Variants in NFATC3 observed in about 807,000 individuals in gnomAD.
NFATC3 encodes the protein nuclear factor of activated T-cells, cytoplasmic 3.
In NFATC3, 46 loss-of-function variants were observed where a neutral mutation model predicts 98.6. The observed-to-expected ratio is 0.47, with a 90% confidence interval of 0.37 to 0.60. The LOEUF (loss-of-function observed/expected upper bound fraction) is 0.60. Among genes scored for constraint, NFATC3 ranks in the 20% least tolerant of loss-of-function variants. NFATC3 has a pLI of 0.00. For synonymous variants in NFATC3, 512 were observed against 472.2 expected (o/e 1.08, Z -1.09); for missense variants, 1,256 against 1,295.5 (o/e 0.97, Z 0.47).
intron 3 of NFATC3, among the ~76,000 whole-genome samples, chr16:68,151,754 G>A (rs2038333624): frequency 1.3e-5 from 2 of 152,144 alleles, no homozygotes; most frequent in Non-Finnish European, 2.9e-5. Context: ...CCTGCAGAGG[G>A]TGATACTGTC....
At chr16:68,196,506 GAAA>G (rs757039263) in intron 9 of NFATC3, among the ~76,000 whole-genome samples, 2 of 151,888 alleles carry the variant, frequency 1.3e-5, no homozygotes, top group Non-Finnish European at 2.9e-5. Context: ...TAGATGCCTA[GAAA>G]AAAAAGTTCT....
chr16:68,224,332 A>G (rs917785017), intron 9 of NFATC3, among the ~76,000 whole-genome samples: 1 of 142,226 alleles, frequency 7.0e-6, no homozygotes, highest in Non-Finnish European at 1.5e-5. Context: ...GCTGGAGTGC[A>G]GTGGCACGAT....
intron 3 of NFATC3, among the ~76,000 whole-genome samples, chr16:68,149,940 A>G (rs2038228270): frequency 6.6e-6 from 1 of 152,114 alleles, no homozygotes; most frequent in Non-Finnish European, 1.5e-5. Context: ...TATTTATTTG[A>G]TATTTAATAA....
chr16:68,162,401 A>C (rs1404675599), intron 4 of NFATC3, among the ~76,000 whole-genome samples: 1 of 152,150 alleles, frequency 6.6e-6, no homozygotes, highest in Non-Finnish European at 1.5e-5. Flanking sequence ...GTTCCAGATA[A>C]TGGTAGGTTT....
At chr16:68,179,213 G>A (rs1391615448) in intron 6 of NFATC3, among the ~76,000 whole-genome samples, 1 of 152,150 alleles carries the variant, frequency 6.6e-6, no homozygotes, top group Admixed American at 6.6e-5. Flanking sequence ...CCCAAGATTA[G>A]GTTGAAGACC....
chr16:68,115,964 C>T (rs535194353), intron 1 of NFATC3, among the ~76,000 whole-genome samples: 3 of 152,142 alleles, frequency 2.0e-5, no homozygotes, highest in South Asian at 2.1e-4. Context: ...ACAGTATATA[C>T]GTATGCATTG....
intron 3 of NFATC3, among the ~76,000 whole-genome samples, chr16:68,151,736 C>T (rs914094906): frequency 1.3e-5 from 2 of 152,140 alleles, no homozygotes; most frequent in East Asian, 3.8e-4. Context: ...GCTCCACCAC[C>T]ACCCTCCCCT....
intron 6 of NFATC3, among the ~76,000 whole-genome samples, chr16:68,180,503 AT>A (rs921250510): frequency 2.0e-5 from 3 of 151,764 alleles, no homozygotes; most frequent in South Asian, 2.1e-4. Flanking sequence ...TTTTATTTTT[AT>A]TTTTTTTAAA....
chr16:68,184,577 GTGGA>G (rs1436903307), intron 8 of NFATC3, among the ~76,000 whole-genome samples: 1 of 152,080 alleles, frequency 6.6e-6, no homozygotes, highest in East Asian at 1.9e-4. Flanking sequence ...GTTGAGGTGG[GTGGA>G]TCACGAGGTC....
intron 5 of NFATC3, among the ~76,000 whole-genome samples, chr16:68,167,516 A>G (rs1270416814): frequency 6.6e-6 from 1 of 152,174 alleles, no homozygotes; most frequent in Non-Finnish European, 1.5e-5. Context: ...CAAAACCAAG[A>G]TACAAGAAAA....
intron 1 of NFATC3, among the ~76,000 whole-genome samples, chr16:68,108,708 A>G (rs1005274161): frequency 9.2e-5 from 14 of 152,258 alleles, no homozygotes; most frequent in African/African-American, 3.4e-4. Context: ...CCTATCCATG[A>G]GCATGGAATG....
At chr16:68,210,102 C>T (rs2041316983) in intron 9 of NFATC3, among the ~76,000 whole-genome samples, 1 of 151,962 alleles carries the variant, frequency 6.6e-6, no homozygotes, top group Non-Finnish European at 1.5e-5. Context: ...TTGAGACCAT[C>T]CTGGCTAACA....
chr16:68,166,759 CA>C, intron 4 of NFATC3, 83 bp from the exon 5 acceptor site: 1 of 1,124,220 alleles, frequency 8.9e-7, no homozygotes, highest in Non-Finnish European at 1.2e-6. Flanking sequence ...TTTTTTCTGA[CA>C]AATTAACAAT....
At chr16:68,174,893 A>T (rs1216730976) in intron 6 of NFATC3, among the ~76,000 whole-genome samples, 1 of 152,250 alleles carries the variant, frequency 6.6e-6, no homozygotes, top group Non-Finnish European at 1.5e-5. Flanking sequence ...TCTGAAAAGT[A>T]GAATTCCCCC....
chr16:68,088,442 AAT>A (rs2034514107), intron 1 of NFATC3, among the ~76,000 whole-genome samples: 1 of 146,534 alleles, frequency 6.8e-6, no homozygotes, highest in African/African-American at 2.5e-5. Context: ...TATACTATAT[AAT>A]ATATAAAATG....
At chr16:68,123,899 T>G (rs1363997406) in intron 2 of NFATC3, among the ~76,000 whole-genome samples, 2 of 151,638 alleles carry the variant, frequency 1.3e-5, no homozygotes, top group Non-Finnish European at 2.9e-5. Flanking sequence ...GCGGGAGCAT[T>G]GCCTGAGATG....
chr16:68,207,084 T>C (rs1034181441), intron 9 of NFATC3, among the ~76,000 whole-genome samples: 3 of 148,884 alleles, frequency 2.0e-5, no homozygotes, highest in Admixed American at 2.0e-4. Flanking sequence ...CTGAGGCAGG[T>C]GGATCACCTC....
At chr16:68,204,197 A>G (rs1816058273) in intron 9 of NFATC3, among the ~76,000 whole-genome samples, 1 of 151,872 alleles carries the variant, frequency 6.6e-6, no homozygotes, top group African/African-American at 2.4e-5. Flanking sequence ...CCAAAAAAAA[A>G]AGAAAATAGT....
At position 68,123,038 on chromosome 16, in the gene NFATC3, A is replaced by G. The variant is rs1011500574; in HGVS notation, c.1155A>G (p.Lys385=). 3.7e-6 allele frequency: 6 copies of G among 1,613,368 alleles called. No homozygotes were observed. The African/African-American group carries it at 4.0e-5, about 11-fold the overall frequency. The change falls in exon 2 of 10, where the codon AAA becomes AAG. Residue 385 remains lysine, a synonymous_variant. Transcript: ENST00000346183. ...TTGGATCTCAGTATCCTTTAAAGAA[A>G]GATTCATGTGGTGATCAGTTTCTTT... ...DGLGSQYPLK[K]DSCGDQFLSV...
Sources: allele counts gnomAD v4.1 joint callset (sites outside exome capture counted in the v4.1 genomes callset), GRCh38; gene constraint gnomAD v4.1.1; transcripts MANE v1.5; gene names NCBI Gene and HGNC (gene_info 2026-07-23, HGNC 2026-07-21).